MAF: variants seen among roughly 807,000 people sequenced by gnomAD.
The protein encoded by MAF is MAF bZIP transcription factor, also known as transcription factor Maf.
In MAF, 10 loss-of-function variants were observed where a neutral mutation model predicts 22.0. That is an observed-to-expected ratio of 0.45 (90% CI 0.28 to 0.77). The LOEUF (loss-of-function observed/expected upper bound fraction) is 0.77, where lower values mean the gene tolerates loss of function less well. MAF is among the 30% of genes least tolerant of loss of function. MAF has a pLI of 0.12. For synonymous variants in MAF, 337 were observed against 255.8 expected, an observed-to-expected ratio of 1.32 and a Z score of -3.03; for missense variants, 544 against 548.4, an observed-to-expected ratio of 0.99 and a Z score of 0.08.
chr16:79,241,046 TC>T, the MAF span, among the ~76,000 whole-genome samples: 10 of 151,958 alleles, frequency 6.6e-5, no homozygotes, highest in African/African-American at 2.4e-4. Context: ...GTCACCAACA[TC>T]AAAGACCAAA....
chr16:79,435,360 G>A, the MAF span, among the ~76,000 whole-genome samples: 1 of 152,170 alleles, frequency 6.6e-6, no homozygotes, highest in Admixed American at 6.5e-5. Context: ...GGGATTGAAA[G>A]CCTTGATGTT....
the MAF span, among the ~76,000 whole-genome samples, chr16:79,554,819 CTCTG>C: frequency 1.3e-5 from 2 of 152,160 alleles, no homozygotes; most frequent in Admixed American, 6.5e-5. Context: ...CTCATGGCCT[CTCTG>C]TCTACCTCTC....
chr16:79,598,101 AT>A (rs897282908), intron 1 of MAF: 67 of 1,036,084 alleles, frequency 6.5e-5, no homozygotes, highest in Middle Eastern at 4.4e-4. Flanking sequence ...AACATTTCAC[AT>A]TTTTTTTTCC....
the MAF span, among the ~76,000 whole-genome samples, chr16:79,285,181 T>TC: frequency 6.6e-6 from 1 of 152,128 alleles, no homozygotes; most frequent in Non-Finnish European, 1.5e-5. Context: ...TCTGCTGCTC[T>TC]CCCCAGCAGC....
chr16:79,564,623 T>C, the MAF span, among the ~76,000 whole-genome samples: 1 of 152,204 alleles, frequency 6.6e-6, no homozygotes, highest in Admixed American at 6.5e-5. Flanking sequence ...TGGAGCACCC[T>C]GTGGCAGCCC....
At chr16:79,312,331 G>C in the MAF span, among the ~76,000 whole-genome samples, 1 of 152,078 alleles carries the variant, frequency 6.6e-6, no homozygotes, top group African/African-American at 2.4e-5. Context: ...CACATTGATG[G>C]GTCACTGCAA....
the MAF span, among the ~76,000 whole-genome samples, chr16:79,374,245 C>T: frequency 6.6e-6 from 1 of 152,130 alleles, no homozygotes; most frequent in South Asian, 2.1e-4. Flanking sequence ...CCTGCATAAC[C>T]AGTTGGAATT....
chr16:79,583,730 C>A (rs568155751), downstream of MAF, among the ~76,000 whole-genome samples: 5 of 152,314 alleles, frequency 3.3e-5, no homozygotes, highest in South Asian at 1.0e-3. Context: ...TAGAAGACAG[C>A]CTCAAAGGGA....
the MAF span, chr16:79,203,764 G>T: frequency 1.3e-5 from 2 of 152,138 alleles, no homozygotes; most frequent in Non-Finnish European, 2.9e-5. Flanking sequence ...TATTCTTTGC[G>T]CTGTTAGAAC....
chr16:79,340,389 T>C, the MAF span, among the ~76,000 whole-genome samples: 1 of 151,216 alleles, frequency 6.6e-6, no homozygotes. Context: ...GCACCTACTT[T>C]ATTCTCTGCT....
At chr16:79,541,031 T>C in the MAF span, among the ~76,000 whole-genome samples, 1 of 152,006 alleles carries the variant, frequency 6.6e-6, no homozygotes, top group Non-Finnish European at 1.5e-5. Flanking sequence ...CTACTACGGT[T>C]ACTACTGCTG....
chr16:79,251,117 T>C, the MAF span, among the ~76,000 whole-genome samples: 1 of 152,120 alleles, frequency 6.6e-6, no homozygotes, highest in African/African-American at 2.4e-5. Flanking sequence ...TCAGAAAGGT[T>C]AAGTGCTTAT....
chr16:79,493,144 T>TTG, the MAF span, among the ~76,000 whole-genome samples: 36 of 119,370 alleles, frequency 3.0e-4, 1 homozygote, highest in African/African-American at 1.8e-3. Flanking sequence ...TTTTTTTTTG[T>TTG]TTTGTTTTGT....
the MAF span, among the ~76,000 whole-genome samples, chr16:79,360,406 G>C: frequency 6.6e-6 from 1 of 152,152 alleles, no homozygotes; most frequent in Non-Finnish European, 1.5e-5. Flanking sequence ...GAGCAAGACA[G>C]ACCTGAGATT....
chr16:79,274,135 A>G, the MAF span, among the ~76,000 whole-genome samples: 104,195 of 151,204 alleles, frequency 0.69, 36,530 homozygotes, highest in Non-Finnish European at 0.74. Context: ...TTGTATTTTT[A>G]GTAAAGATGG....
chr16:79,545,737 G>A, the MAF span, among the ~76,000 whole-genome samples: 1 of 152,086 alleles, frequency 6.6e-6, no homozygotes, highest in Admixed American at 6.6e-5. Flanking sequence ...GTGGTTACCA[G>A]AAGCCAGGGG....
chr16:79,241,355 G>A, the MAF span, among the ~76,000 whole-genome samples: 1 of 152,068 alleles, frequency 6.6e-6, no homozygotes, highest in Non-Finnish European at 1.5e-5. Flanking sequence ...TAAATGACAT[G>A]ATTGAGCTGA....
the MAF span, among the ~76,000 whole-genome samples, chr16:79,480,365 C>T: frequency 1.3e-5 from 2 of 151,214 alleles, no homozygotes; most frequent in Non-Finnish European, 2.9e-5. Context: ...ATTTTTAATT[C>T]GTTTGGATTT....
Position 79,594,001 on chromosome 16 carries a change from G to A in MAF, c.*459C>T, listed in dbSNP as rs1357918459. 1.3e-5 allele frequency: 3 copies of A among 223,398 alleles called. No individual in the cohort carries two copies. In the East Asian group the frequency reaches 2.1e-4, roughly 15 times the overall value. 13.8% of individuals were successfully genotyped at this position (223,398 alleles called of 1,614,324 possible). A position where few individuals can be genotyped will look rare whatever the true frequency, so the allele number is the denominator to read the frequency against. On this transcript the variant is annotated 3_prime_UTR_variant, in exon 2 of 2. Coordinates refer to ENST00000326043, the MANE Select transcript of MAF (RefSeq NM_005360.5). The stretch of plus-strand genomic sequence containing the variant: ...GAGCCTCTGCCCGTGGATTTGTTTA[G>A]GGAAGGGGAGTCGAATATCTATTTT...
Sources: gnomAD v4.1 joint callset for allele counts (sites outside exome capture counted in the v4.1 genomes callset) on GRCh38, gnomAD v4.1.1 for gene constraint, MANE v1.5 for transcripts, NCBI Gene and HGNC (gene_info 2026-07-23, HGNC 2026-07-21) for gene names.